Variants in RAPGEF1 observed in about 807,000 individuals in gnomAD.
RAPGEF1 encodes the protein CRK SH3-binding GNRP.
Under a neutral mutation model 143.3 loss-of-function variants are expected in RAPGEF1, and 33 were observed. That is an observed-to-expected ratio of 0.23 (90% CI 0.17 to 0.31). RAPGEF1 has a LOEUF of 0.31. RAPGEF1 is among the 10% of genes least tolerant of loss of function. The pLI is 1.00. For synonymous variants in RAPGEF1, 629 were observed against 676.5 expected, an observed-to-expected ratio of 0.93 and a Z score of 1.09; for missense variants, 1,199 against 1,645.4, an observed-to-expected ratio of 0.73 and a Z score of 4.69.
intron 1 of RAPGEF1, among the ~76,000 whole-genome samples, chr9:131,699,435 G>A (rs1021903518): frequency 3.3e-5 from 5 of 151,958 alleles, no homozygotes; most frequent in African/African-American, 9.7e-5. Flanking sequence ...CTAAAGACAG[G>A]GTTTCTCCAT....
rs188306764 is a variant in RAPGEF1 at position 131,582,676 on chromosome 9, G to A, written c.3441C>T (p.Ile1147=). 52 of 1,547,184 alleles carry A rather than the reference G, an allele frequency of 3.4e-5. 1 individual carries two copies. In the East Asian group the frequency reaches 9.6e-4, roughly 29 times the overall value. ...AGGCTCGGAAGGAGGACGAGCTGTCGATCAGTGTGCAGTACTCGGCCAGGC... is the reference window on the plus strand; with the variant it reads ...AGGCTCGGAAGGAGGACGAGCTGTCAATCAGTGTGCAGTACTCGGCCAGGC... ...SEGLAEYCTL[I]DSSSSFRAYR... The change falls in exon 25 of 27, where the codon ATC becomes ATT. Residue 1147 remains isoleucine, a synonymous_variant. Transcript: ENST00000683357.
At chr9:131,735,084 G>T (rs1238580975) in intron 1 of RAPGEF1, among the ~76,000 whole-genome samples, 1 of 152,184 alleles carries the variant, frequency 6.6e-6, no homozygotes, top group Non-Finnish European at 1.5e-5. Context: ...TTAACTTATG[G>T]CCAGCCCAGT....
intron 1 of RAPGEF1, chr9:131,737,380 C>T (rs951837217): frequency 5.0e-6 from 8 of 1,613,666 alleles, no homozygotes; most frequent in East Asian, 2.2e-5. Flanking sequence ...TCCTCATTCC[C>T]GCACTCATGA....
In RAPGEF1 at chr9:131,643,339, C is replaced by A; in HGVS notation, c.394G>T (p.Ala132Ser). The A allele has an allele frequency of 6.2e-7, 1 of 1,613,780 alleles. No individual in the cohort carries two copies. Among genetic ancestry groups the A allele is most frequent in the South Asian group, 1.1e-5 (1 of 91,002 alleles). ...RYFKTIVDKM[A>S]IDKKVLEMLP... is the part of the protein sequence containing the mutation. ...ATCTCCAGTACCTTCTTATCAATTG[C>A]CATTTTGTCCACAATGGTCTTAAAG... Residue 132 changes from alanine (A) to serine (S), a missense_variant, in exon 4 of 27, where the codon GCA becomes TCA. Transcript: ENST00000683357.
chr9:131,623,527 C>T (rs1961922944), intron 10 of RAPGEF1, among the ~76,000 whole-genome samples: 1 of 152,242 alleles, frequency 6.6e-6, no homozygotes, highest in South Asian at 2.1e-4. Flanking sequence ...CTTGTAGACA[C>T]CTGCTAGCCA....
intron 1 of RAPGEF1, among the ~76,000 whole-genome samples, chr9:131,673,644 A>T (rs990459742): frequency 6.6e-6 from 1 of 152,240 alleles, no homozygotes; most frequent in Non-Finnish European, 1.5e-5. Flanking sequence ...ATGGTTAGAA[A>T]GCAGGACATT....
chr9:131,698,917 C>T (rs1834408800), intron 1 of RAPGEF1, among the ~76,000 whole-genome samples: 1 of 152,224 alleles, frequency 6.6e-6, no homozygotes, highest in South Asian at 2.1e-4. Context: ...TTTAAGCTCC[C>T]TAAATAGCGG....
chr9:131,673,071 G>A (rs1831670347), intron 1 of RAPGEF1, among the ~76,000 whole-genome samples: 1 of 152,122 alleles, frequency 6.6e-6, no homozygotes, highest in Admixed American at 6.5e-5. Context: ...CACCTACTTT[G>A]TGCTGGGAAA....
intron 5 of RAPGEF1, among the ~76,000 whole-genome samples, chr9:131,636,838 A>G (rs1281499560): frequency 6.6e-6 from 1 of 152,154 alleles, no homozygotes; most frequent in Admixed American, 6.5e-5. Flanking sequence ...CAAATCCTGG[A>G]AAGGGCCATC....
At position 131,650,468 on chromosome 9, in the gene RAPGEF1, C is replaced by G. The variant is rs528068840; in HGVS notation, c.202-226G>C. Among the ~76,000 whole-genome samples the G allele has an allele frequency of 6.6e-6, 1 of 152,326 alleles. No individual in the cohort carries two copies. Among genetic ancestry groups the G allele is most frequent in the African/African-American group, 2.4e-5 (1 of 41,568 alleles). Reference sequence around the variant, plus strand: ...GGATGTTCTGGACATCACAGAGTTCCCTGTGTTTGAGTGTGCGCCAAGGCA... The same window carrying G: ...GGATGTTCTGGACATCACAGAGTTCGCTGTGTTTGAGTGTGCGCCAAGGCA... On this transcript the variant is annotated intron_variant, in intron 2 of 26. Transcript: ENST00000683357. This position sits in a 1 kb window ranked among gnomAD's most constrained non-coding sequence, Gnocchi z 4.7.
At chr9:131,685,287 AAAG>A (rs1833247572) in intron 1 of RAPGEF1, among the ~76,000 whole-genome samples, 2 of 152,236 alleles carry the variant, frequency 1.3e-5, no homozygotes, top group South Asian at 4.1e-4. Context: ...TTTGCAAATC[AAAG>A]AAGGCGGACA....
intron 11 of RAPGEF1, among the ~76,000 whole-genome samples, chr9:131,620,489 A>T (rs1960549888): frequency 6.6e-6 from 1 of 152,128 alleles, no homozygotes; most frequent in Non-Finnish European, 1.5e-5. Context: ...CCCTTTTTGA[A>T]ACATCTTCAG....
At chr9:131,619,310 C>T in intron 11 of RAPGEF1, 104 bp from the exon 12 acceptor site, 1 of 1,005,476 alleles carries the variant, frequency 9.9e-7, no homozygotes, top group Non-Finnish European at 1.3e-6. Context: ...TCTCCACATC[C>T]TCTAACAGAC....
chr9:131,670,665 G>A (rs1831230154), intron 1 of RAPGEF1, among the ~76,000 whole-genome samples: 1 of 152,152 alleles, frequency 6.6e-6, no homozygotes, highest in Admixed American at 6.5e-5. Context: ...GCAAAACCTC[G>A]GGACAGTCTC....
chr9:131,616,083 G>A (rs951035584), intron 12 of RAPGEF1, among the ~76,000 whole-genome samples: 16 of 151,990 alleles, frequency 1.1e-4, no homozygotes, highest in African/African-American at 3.6e-4. Context: ...CCTGGCCAAC[G>A]TGGTGAAACC....
intron 18 of RAPGEF1, among the ~76,000 whole-genome samples, chr9:131,591,111 T>C (rs887307578): frequency 6.6e-6 from 1 of 152,260 alleles, no homozygotes; most frequent in African/African-American, 2.4e-5. Context: ...GAGTCAGGCC[T>C]GTGAGCAGGT....
chr9:131,624,289 G>T (rs1465891581), intron 10 of RAPGEF1, among the ~76,000 whole-genome samples: 2 of 152,164 alleles, frequency 1.3e-5, no homozygotes, highest in African/African-American at 2.4e-5. Context: ...CCTTCCATAG[G>T]GCATGTGAAG....
At chr9:131,712,971 GCAAA>G (rs1177216771) in intron 1 of RAPGEF1, among the ~76,000 whole-genome samples, 5 of 152,078 alleles carry the variant, frequency 3.3e-5, no homozygotes, top group Non-Finnish European at 7.4e-5. Context: ...CCCAGACTAA[GCAAA>G]CAAACAAAAA....
chr9:131,588,681 C>G, intron 20 of RAPGEF1, 120 bp downstream of exon 20: 1 of 1,063,428 alleles, frequency 9.4e-7, no homozygotes, highest in Non-Finnish European at 1.3e-6. Context: ...TCCTGAGGCA[C>G]CTCATCAAAG....
Sources: gnomAD v4.1 joint callset for allele counts (sites outside exome capture counted in the v4.1 genomes callset) on GRCh38, gnomAD v4.1.1 for gene constraint, Gnocchi (gnomAD v3.1) non-coding constraint, MANE v1.5 for transcripts, NCBI Gene and HGNC (gene_info 2026-07-23, HGNC 2026-07-21) for gene names.